The following NEMP2 variants were observed in gnomAD, a reference collection of about 807,000 sequenced individuals.
The protein encoded by NEMP2 is nuclear envelope integral membrane protein 2, also known as UPF0571 transmembrane protein.
A neutral mutation model predicts 54.2 loss-of-function variants in NEMP2; 53 were observed. The ratio of observed to expected loss-of-function variants is 0.98; its 90% confidence interval spans 0.78 to 1.23. NEMP2 has a LOEUF of 1.23. Ranked by LOEUF, NEMP2 falls within the 50% of genes most tolerant of loss-of-function variation. The pLI is 0.00. For missense variants in NEMP2, 455 were observed against 511.3 expected (o/e 0.89, Z 1.06); for synonymous variants, 197 against 190.3 (o/e 1.04, Z -0.29).
At chr2:190,453,380 G>A in the NEMP2 span, among the ~76,000 whole-genome samples, 1 of 152,164 alleles carries the variant, frequency 6.6e-6, no homozygotes, top group African/African-American at 2.4e-5. Flanking sequence ...GCATTGATAA[G>A]CCCAGATTTA....
chr2:190,426,337 C>A, the NEMP2 span, among the ~76,000 whole-genome samples: 2 of 152,118 alleles, frequency 1.3e-5, no homozygotes, highest in African/African-American at 4.8e-5. The surrounding 1 kb of genome is among the most constrained non-coding windows in gnomAD (Gnocchi z 4.7). Context: ...TTAAGTGTAT[C>A]CATTAAGATT....
the NEMP2 span, among the ~76,000 whole-genome samples, chr2:190,424,537 G>T: frequency 2.6e-5 from 4 of 152,190 alleles, no homozygotes; most frequent in African/African-American, 9.6e-5. The surrounding 1 kb of genome is among the most constrained non-coding windows in gnomAD (Gnocchi z 5.9). Context: ...GTTTCTCCAT[G>T]TTGGTCAGGA....
the NEMP2 span, among the ~76,000 whole-genome samples, chr2:190,542,318 T>C: frequency 6.6e-6 from 1 of 152,180 alleles, no homozygotes; most frequent in Non-Finnish European, 1.5e-5. This position sits in a 1 kb window ranked among gnomAD's most constrained non-coding sequence, Gnocchi z 4.6. Flanking sequence ...TTCAAGCAAT[T>C]CTTTTGCCTC....
chr2:190,581,122 C>T, the NEMP2 span, among the ~76,000 whole-genome samples: 2 of 152,142 alleles, frequency 1.3e-5, no homozygotes, highest in African/African-American at 2.4e-5. Context: ...AACTAAAAAC[C>T]AGGAATTATG....
In NEMP2 at chr2:190,508,490, T is replaced by C. The variant is rs1331267830; in HGVS notation, c.*699A>G. The C allele has an allele frequency of 8.2e-6, 1 of 121,284 alleles. No homozygotes were observed. Among genetic ancestry groups the C allele is most frequent in the African/African-American group, 3.3e-5 (1 of 30,702 alleles). 7.5% of individuals were successfully genotyped at this position (121,284 alleles called of 1,614,324 possible). On this transcript the variant is annotated 3_prime_UTR_variant, in exon 9 of 9. Coordinates refer to ENST00000409150, the MANE Select transcript of NEMP2 (RefSeq NM_001142645.2). The surrounding 1 kb of genome is among the most constrained non-coding windows in gnomAD (Gnocchi z 4.3). ...TTATTTAACCTCTCATGAGCTCAGT[T>C]CCACCACCATTAGCATTTTCCAAAC...
chr2:190,551,682 T>G, the NEMP2 span, among the ~76,000 whole-genome samples: 1 of 152,164 alleles, frequency 6.6e-6, no homozygotes, highest in Admixed American at 6.5e-5. Context: ...TTTTTTCCCC[T>G]TAGGAATAAG....
At chr2:190,472,611 T>C in the NEMP2 span, among the ~76,000 whole-genome samples, 2 of 152,132 alleles carry the variant, frequency 1.3e-5, no homozygotes, top group Admixed American at 6.5e-5. Context: ...CTACATCTGA[T>C]TGGTGTACCT....
At chr2:190,511,319 G>A (rs1010333635) in intron 7 of NEMP2, among the ~76,000 whole-genome samples, 3 of 151,976 alleles carry the variant, frequency 2.0e-5, no homozygotes, top group Non-Finnish European at 4.4e-5. Context: ...ACCTAGTGGT[G>A]GTGATTCTAA....
chr2:190,575,396 A>T, the NEMP2 span, among the ~76,000 whole-genome samples: 55 of 151,968 alleles, frequency 3.6e-4, no homozygotes, highest in Non-Finnish European at 6.3e-4. Context: ...TTAAAAAAAA[A>T]GTGTGTTCTT....
At chr2:190,638,836 A>G in the NEMP2 span, among the ~76,000 whole-genome samples, 2 of 152,218 alleles carry the variant, frequency 1.3e-5, no homozygotes, top group African/African-American at 4.8e-5. The surrounding 1 kb of genome is among the most constrained non-coding windows in gnomAD (Gnocchi z 5.7). Context: ...CTAAGGAACC[A>G]GAGCAGCAGA....
intron 6 of NEMP2, 88 bp downstream of exon 6, chr2:190,516,182 T>C (rs1261564093): frequency 1.2e-6 from 1 of 863,450 alleles, no homozygotes; most frequent in Non-Finnish European, 1.7e-6. Context: ...ATTTAGATGT[T>C]GGAGAGAAAC....
chr2:190,568,461 G>A, the NEMP2 span, among the ~76,000 whole-genome samples: 1 of 152,190 alleles, frequency 6.6e-6, no homozygotes, highest in African/African-American at 2.4e-5. This position sits in a 1 kb window ranked among gnomAD's most constrained non-coding sequence, Gnocchi z 4.7. Flanking sequence ...TACCAAAAGT[G>A]TCAATATAAT....
At chr2:190,643,961 A>G in the NEMP2 span, among the ~76,000 whole-genome samples, 15 of 152,176 alleles carry the variant, frequency 9.9e-5, no homozygotes, top group Admixed American at 6.5e-5. Context: ...AGTTTACTTA[A>G]TAGTCCTCAT....
chr2:190,539,660 T>C (rs1691484320), upstream of NEMP2, among the ~76,000 whole-genome samples: 1 of 152,192 alleles, frequency 6.6e-6, no homozygotes, highest in Admixed American at 6.5e-5. The surrounding 1 kb of genome is among the most constrained non-coding windows in gnomAD (Gnocchi z 4.1). Flanking sequence ...TTCCTAGGTA[T>C]TTTATACTCT....
At chr2:190,483,172 G>A in the NEMP2 span, among the ~76,000 whole-genome samples, 3 of 151,334 alleles carry the variant, frequency 2.0e-5, no homozygotes, top group South Asian at 2.1e-4. Flanking sequence ...GATTACAGGC[G>A]TGAGCCACCG....
chr2:190,574,660 G>A, the NEMP2 span, among the ~76,000 whole-genome samples: 4 of 151,910 alleles, frequency 2.6e-5, no homozygotes, highest in South Asian at 4.2e-4. Flanking sequence ...ACCCTAGGTA[G>A]CTAATTACTT....
At chr2:190,486,845 T>C in the NEMP2 span, among the ~76,000 whole-genome samples, 1 of 152,250 alleles carries the variant, frequency 6.6e-6, no homozygotes, top group African/African-American at 2.4e-5. Context: ...CTATAAAACC[T>C]GTTGTGACAA....
At chr2:190,453,468 C>A in the NEMP2 span, among the ~76,000 whole-genome samples, 15 of 152,130 alleles carry the variant, frequency 9.9e-5, no homozygotes, top group Non-Finnish European at 1.5e-5. Flanking sequence ...CTCTCTATTC[C>A]CCTTTCTTAT....
chr2:190,476,533 TCA>T, the NEMP2 span, among the ~76,000 whole-genome samples: 2 of 152,086 alleles, frequency 1.3e-5, no homozygotes, highest in African/African-American at 2.4e-5. Context: ...AGAATGGCAA[TCA>T]TTAAAAAGTC....
Sources: gnomAD v4.1 joint callset for allele counts (sites outside exome capture counted in the v4.1 genomes callset) on GRCh38, gnomAD v4.1.1 for gene constraint, Gnocchi (gnomAD v3.1) non-coding constraint, MANE v1.5 for transcripts, NCBI Gene and HGNC (gene_info 2026-07-23, HGNC 2026-07-21) for gene names.